Variants in RAB2A observed in about 807,000 individuals in gnomAD.
The protein encoded by RAB2A is ras-related protein Rab-2A.
A neutral mutation model predicts 32.5 loss-of-function variants in RAB2A; 7 were observed. The observed-to-expected ratio is 0.22, with a 90% confidence interval of 0.12 to 0.40. RAB2A has a LOEUF of 0.40. RAB2A is among the 10% of genes least tolerant of loss of function. The pLI is 1.00. For synonymous variants in RAB2A, 79 were observed against 85.2 expected, an observed-to-expected ratio of 0.93 and a Z score of 0.40; for missense variants, 108 against 260.7, an observed-to-expected ratio of 0.41 and a Z score of 4.03.
At chr8:60,532,223 T>C (rs748441021) in intron 1 of RAB2A, among the ~76,000 whole-genome samples, 2 of 152,248 alleles carry the variant, frequency 1.3e-5, no homozygotes, top group Non-Finnish European at 2.9e-5. Context: ...GTCTTTGATA[T>C]AAATAAATCT....
intron 1 of RAB2A, among the ~76,000 whole-genome samples, chr8:60,518,382 C>T (rs1353981829): frequency 1.3e-5 from 2 of 152,004 alleles, no homozygotes. Flanking sequence ...GTTGGCCGGA[C>T]GCGGTGGCTC....
At chr8:60,559,365 A>G (rs1586082425) in intron 2 of RAB2A, 1 of 156,572 alleles carries the variant, frequency 6.4e-6, no homozygotes, top group Non-Finnish European at 1.4e-5. Flanking sequence ...GCAGTGAGTT[A>G]GTAAATGTAA....
At chr8:60,599,873 C>T (rs982599867) in intron 6 of RAB2A, among the ~76,000 whole-genome samples, 2 of 151,350 alleles carry the variant, frequency 1.3e-5, no homozygotes, top group African/African-American at 4.9e-5. Flanking sequence ...TATGTGTCAC[C>T]AAAAGGATGA....
intron 2 of RAB2A, among the ~76,000 whole-genome samples, chr8:60,566,243 A>G (rs1419295274): frequency 6.6e-6 from 1 of 152,218 alleles, no homozygotes; most frequent in Non-Finnish European, 1.5e-5. Context: ...TGATGTATCA[A>G]AGTGCGCATT....
intron 2 of RAB2A, among the ~76,000 whole-genome samples, chr8:60,565,453 G>C (rs925541816): frequency 6.6e-6 from 1 of 150,728 alleles, no homozygotes; most frequent in African/African-American, 2.4e-5. Flanking sequence ...TAAATGATTG[G>C]TGGAAATGAA....
chr8:60,617,635 A>G (rs1804468289), intron 6 of RAB2A, among the ~76,000 whole-genome samples: 1 of 152,154 alleles, frequency 6.6e-6, no homozygotes, highest in South Asian at 2.1e-4. Flanking sequence ...AGTCCCAGCT[A>G]CTCAGGAGGC....
At chr8:60,601,671 A>G (rs1363223277) in intron 6 of RAB2A, among the ~76,000 whole-genome samples, 4 of 152,212 alleles carry the variant, frequency 2.6e-5, no homozygotes, top group Admixed American at 2.6e-4. Flanking sequence ...TACATTTCTC[A>G]GAAGCAGCTA....
chr8:60,520,331 T>C (rs1057142649), intron 1 of RAB2A, among the ~76,000 whole-genome samples: 15 of 152,206 alleles, frequency 9.9e-5, no homozygotes, highest in African/African-American at 3.4e-4. Flanking sequence ...TTCTGAATCA[T>C]TTAGTAAAAT....
At chr8:60,576,385 T>G (rs1462734240) in intron 3 of RAB2A, 15 of 420,176 alleles carry the variant, frequency 3.6e-5, no homozygotes, top group Non-Finnish European at 9.6e-6. Flanking sequence ...TTGCCTTCTA[T>G]TCCTCTTTCA....
intron 3 of RAB2A, among the ~76,000 whole-genome samples, chr8:60,579,144 G>A (rs1240805980): frequency 6.6e-6 from 1 of 152,202 alleles, no homozygotes; most frequent in East Asian, 1.9e-4. Flanking sequence ...CTGGGTTCAA[G>A]TGATTCTCCT....
chr8:60,537,682 T>TTTTTA (rs1025724760), intron 1 of RAB2A, among the ~76,000 whole-genome samples: 26 of 152,280 alleles, frequency 1.7e-4, no homozygotes, highest in South Asian at 1.5e-3. Flanking sequence ...ACTGTTTTCT[T>TTTTTA]TTTTATTTTA....
At chr8:60,542,342 C>T (rs1236072460) in intron 1 of RAB2A, among the ~76,000 whole-genome samples, 2 of 152,082 alleles carry the variant, frequency 1.3e-5, no homozygotes, top group Non-Finnish European at 2.9e-5. Context: ...GGTGAAACCC[C>T]ATCTCTACTA....
intron 6 of RAB2A, among the ~76,000 whole-genome samples, chr8:60,617,993 C>T (rs1307550309): frequency 6.6e-6 from 1 of 152,052 alleles, no homozygotes; most frequent in African/African-American, 2.4e-5. Context: ...TTTGTGTCTG[C>T]CTTCTTTCAT....
intron 1 of RAB2A, among the ~76,000 whole-genome samples, chr8:60,518,815 AAAC>A (rs1807255780): frequency 6.6e-6 from 1 of 152,102 alleles, no homozygotes; most frequent in African/African-American, 2.4e-5. Context: ...TAGGCTGTAA[AAAC>A]AAGATTGGAG....
In RAB2A at chr8:60,550,742, G is replaced by A. The variant is rs566464710; in HGVS notation, c.47-8110G>A. 2.0e-5 allele frequency among the ~76,000 whole-genome samples: 3 copies of A among 152,120 alleles called. No individual in the cohort carries two copies. The East Asian group carries it at 5.8e-4, about 29-fold the overall frequency. On this transcript the variant is annotated intron_variant, in intron 1 of 7. Transcript: ENST00000262646. ...AAGTTCTCATTGTAGCAGCCAGTAGGCCTTTTGGAATTTAAGTAAAATTAT... is the reference window on the plus strand; with the variant it reads ...AAGTTCTCATTGTAGCAGCCAGTAGACCTTTTGGAATTTAAGTAAAATTAT...
At chr8:60,583,701 A>G (rs894770437) in intron 3 of RAB2A, among the ~76,000 whole-genome samples, 8 of 152,238 alleles carry the variant, frequency 5.3e-5, no homozygotes, top group South Asian at 2.1e-4. Context: ...TGGCCTTCCA[A>G]CAACCTTTAC....
intron 6 of RAB2A, among the ~76,000 whole-genome samples, chr8:60,600,697 A>G (rs867943109): frequency 5.9e-5 from 9 of 152,334 alleles, no homozygotes; most frequent in Middle Eastern, 3.4e-3. Flanking sequence ...GCATGGTTAC[A>G]GTGTGGTCCA....
chr8:60,609,186 G>A (rs1022119606), intron 6 of RAB2A, among the ~76,000 whole-genome samples: 1 of 152,092 alleles, frequency 6.6e-6, no homozygotes, highest in African/African-American at 2.4e-5. Flanking sequence ...CAGCTTTACA[G>A]TGTTCTCTCC....
At chr8:60,620,448 G>C (rs545303289) in intron 7 of RAB2A, among the ~76,000 whole-genome samples, 1 of 152,154 alleles carries the variant, frequency 6.6e-6, no homozygotes, top group Non-Finnish European at 1.5e-5. Flanking sequence ...TGTTTACCCC[G>C]TACCTGGTAT....
Sources: allele counts gnomAD v4.1 joint callset (sites outside exome capture counted in the v4.1 genomes callset), GRCh38; gene constraint gnomAD v4.1.1; transcripts MANE v1.5; gene names NCBI Gene and HGNC (gene_info 2026-07-23, HGNC 2026-07-21).